Variants in FARS2 observed in about 807,000 individuals in gnomAD.
The protein encoded by FARS2 is phenylalanine--tRNA ligase, mitochondrial.
In FARS2, 40 loss-of-function variants were observed where a neutral mutation model predicts 46.4. That is an observed-to-expected ratio of 0.86 (90% CI 0.67 to 1.12). The LOEUF (loss-of-function observed/expected upper bound fraction) is 1.12. Among genes scored for constraint, FARS2 ranks in the 50% most tolerant of loss-of-function variants. FARS2 has a pLI of 0.00. For missense variants in FARS2, 513 were observed against 567.9 expected (o/e 0.90, Z 0.98); for synonymous variants, 234 against 214.9 (o/e 1.09, Z -0.78).
chr6:5,614,342 A>C (rs1024196205), intron 6 of FARS2, among the ~76,000 whole-genome samples: 2 of 151,716 alleles, frequency 1.3e-5, no homozygotes, highest in Admixed American at 6.6e-5. Context: ...TGTCATATCT[A>C]AATTGTCAGG....
At chr6:5,551,113 A>G (rs1457005687) in intron 5 of FARS2, among the ~76,000 whole-genome samples, 4 of 152,354 alleles carry the variant, frequency 2.6e-5, no homozygotes, top group Middle Eastern at 3.4e-3. Context: ...TTCTCCTGCA[A>G]GAATAAAGCA....
intron 6 of FARS2, among the ~76,000 whole-genome samples, chr6:5,675,681 G>A (rs540558191): frequency 2.6e-5 from 4 of 152,282 alleles, no homozygotes; most frequent in South Asian, 4.1e-4. Context: ...CTTAGAAAAC[G>A]TAAAGAGAAG....
At chr6:5,756,626 C>T (rs1011813208) in intron 6 of FARS2, among the ~76,000 whole-genome samples, 4 of 152,204 alleles carry the variant, frequency 2.6e-5, no homozygotes, top group African/African-American at 7.2e-5. Flanking sequence ...CACCAGATCC[C>T]TCCCCCAACA....
At chr6:5,634,476 T>C (rs976895875) in intron 6 of FARS2, among the ~76,000 whole-genome samples, 2 of 151,968 alleles carry the variant, frequency 1.3e-5, no homozygotes, top group Non-Finnish European at 2.9e-5. Flanking sequence ...CTAATTTTTG[T>C]TTTTTGGTTT....
intron 1 of FARS2, among the ~76,000 whole-genome samples, chr6:5,359,355 T>G (rs1758158312): frequency 2.0e-5 from 3 of 152,200 alleles, no homozygotes; most frequent in Admixed American, 1.3e-4. Flanking sequence ...TATCTCTTCT[T>G]AATGGGGAAG....
chr6:5,694,127 T>A (rs1757949910), intron 6 of FARS2, among the ~76,000 whole-genome samples: 1 of 152,202 alleles, frequency 6.6e-6, no homozygotes, highest in African/African-American at 2.4e-5. Flanking sequence ...GAGGTTTCTG[T>A]AGGAAATAAA....
chr6:5,646,812 A>G (rs139560676), intron 6 of FARS2, among the ~76,000 whole-genome samples: 685 of 152,376 alleles, frequency 4.5e-3, no homozygotes, highest in Non-Finnish European at 7.5e-3. Context: ...AAAAGTCTGT[A>G]CATGTTTAGT....
intron 6 of FARS2, among the ~76,000 whole-genome samples, chr6:5,627,516 C>T (rs925908624): frequency 2.6e-5 from 4 of 152,148 alleles, no homozygotes; most frequent in Admixed American, 6.5e-5. Flanking sequence ...ATTGCCTGTC[C>T]GGCAATGCAC....
chr6:5,568,936 A>G (rs374303759), intron 5 of FARS2, among the ~76,000 whole-genome samples: 1 of 152,122 alleles, frequency 6.6e-6, no homozygotes, highest in Non-Finnish European at 1.5e-5. Context: ...AAACATTGAA[A>G]GATCTTGGAT....
intron 1 of FARS2, among the ~76,000 whole-genome samples, chr6:5,361,727 G>C (rs1195391270): frequency 1.3e-5 from 2 of 152,200 alleles, no homozygotes; most frequent in Non-Finnish European, 2.9e-5. Context: ...AATTGTGTGA[G>C]TATTGCATCT....
upstream of FARS2, among the ~76,000 whole-genome samples, chr6:5,257,119 T>C (rs1363274760): frequency 6.6e-6 from 1 of 152,190 alleles, no homozygotes; most frequent in Non-Finnish European, 1.5e-5. Flanking sequence ...GAGTGATCTA[T>C]CAGAAAATGC....
rs769102260 is a variant in FARS2, at chr6:5,613,180, A to G, written c.1077A>G (p.Lys359=). The G allele has an allele frequency of 6.2e-7, 1 of 1,612,378 alleles. No individual in the cohort carries two copies. Among genetic ancestry groups the G allele is most frequent in the Non-Finnish European group, 8.5e-7 (1 of 1,179,460 alleles). ...TCTTGTTTTGTTAGCCTCTTAGCAA[A>G]TATCCGGCTGTGATCAATGATATTT... The part of the protein sequence containing the change: ...NQKVKFQPLS[K]YPAVINDISF... Residue 359 remains lysine, a synonymous_variant, in exon 6 of 7, where the codon AAA becomes AAG. Coordinates refer to ENST00000274680, the MANE Select transcript of FARS2 (RefSeq NM_006567.5).
intron 4 of FARS2, among the ~76,000 whole-genome samples, chr6:5,501,680 A>G (rs1441119754): frequency 6.6e-6 from 1 of 152,024 alleles, no homozygotes; most frequent in Non-Finnish European, 1.5e-5. Flanking sequence ...TTTTTAGTAG[A>G]GATGGGGTTT....
intron 4 of FARS2, among the ~76,000 whole-genome samples, chr6:5,496,441 A>G (rs1767469346): frequency 6.6e-6 from 1 of 152,154 alleles, no homozygotes; most frequent in Admixed American, 6.5e-5. Context: ...AGAGCATACA[A>G]GAGATGAGGG....
intron 6 of FARS2, among the ~76,000 whole-genome samples, chr6:5,638,823 C>A (rs1776670972): frequency 6.6e-6 from 1 of 152,190 alleles, no homozygotes; most frequent in South Asian, 2.1e-4. Context: ...AGAGCCACCA[C>A]CAGGATAGGG....
chr6:5,683,129 G>C (rs1779117563), intron 6 of FARS2, among the ~76,000 whole-genome samples: 1 of 152,204 alleles, frequency 6.6e-6, no homozygotes, highest in Admixed American at 6.5e-5. Flanking sequence ...TTTAGCATGT[G>C]ATCTGACTTA....
chr6:5,522,253 C>T (rs569571409), intron 4 of FARS2, among the ~76,000 whole-genome samples: 3 of 152,190 alleles, frequency 2.0e-5, no homozygotes, highest in African/African-American at 7.2e-5. Context: ...CAAGCCCAGA[C>T]CTGGAAGGGG....
intron 1 of FARS2, among the ~76,000 whole-genome samples, chr6:5,322,270 A>T (rs761533315): frequency 2.0e-5 from 3 of 152,248 alleles, no homozygotes; most frequent in Non-Finnish European, 4.4e-5. Flanking sequence ...GTTTCCAAGA[A>T]TTGTAAAATG....
At chr6:5,416,015 T>G (rs1274212188) in intron 3 of FARS2, among the ~76,000 whole-genome samples, 1 of 152,234 alleles carries the variant, frequency 6.6e-6, no homozygotes, top group Non-Finnish European at 1.5e-5. Context: ...CCCTATTATC[T>G]TTTTATTGAT....
Sources: allele counts gnomAD v4.1 joint callset (sites outside exome capture counted in the v4.1 genomes callset), GRCh38; gene constraint gnomAD v4.1.1; transcripts MANE v1.5; gene names NCBI Gene and HGNC (gene_info 2026-07-23, HGNC 2026-07-21).